FOXN3: variants seen among roughly 807,000 people sequenced by gnomAD.
FOXN3 encodes forkhead box protein N3.
FOXN3 carries 7 observed loss-of-function variants against 38.4 expected under a neutral mutation model. That is an observed-to-expected ratio of 0.18 (90% CI 0.10 to 0.34). FOXN3 has a LOEUF of 0.34. FOXN3 is among the 10% of genes least tolerant of loss of function. The pLI, the probability that FOXN3 is intolerant of heterozygous loss-of-function variation, is 1.00. For synonymous variants in FOXN3, 230 were observed against 242.2 expected (o/e 0.95, Z 0.47); for missense variants, 456 against 613.4 (o/e 0.74, Z 2.71).
At position 89,350,649 on chromosome 14, in the gene FOXN3, AAAAAG is replaced by A; in HGVS notation, c.680+18_680+22del. On this transcript the variant is annotated intron_variant, in intron 3 of 5. Transcript: ENST00000557258. ...AATAATGCCATTTCAGTAGACCAAA[AAAAAG>A]AAGTCTGAATTGCTTACCTTTGATA... The A allele has an allele frequency of 6.7e-7, 1 of 1,492,162 alleles. No individual in the cohort carries two copies. Among genetic ancestry groups the A allele is most frequent in the Non-Finnish European group, 8.9e-7 (1 of 1,122,730 alleles). 92.4% of individuals were successfully genotyped at this position (1,492,162 alleles called of 1,614,324 possible).
At chr14:89,414,623 C>T (rs956312076) in intron 1 of FOXN3, among the ~76,000 whole-genome samples, 2 of 150,348 alleles carry the variant, frequency 1.3e-5, no homozygotes, top group Admixed American at 6.6e-5. Context: ...GTGCAAAATC[C>T]GCTCACTGCA....
upstream of FOXN3, among the ~76,000 whole-genome samples, chr14:89,418,136 T>C (rs2140103979): frequency 6.6e-6 from 1 of 152,258 alleles, no homozygotes; most frequent in African/African-American, 2.4e-5. Context: ...CAGGACACCC[T>C]GGTGGTGACA....
intron 2 of FOXN3, among the ~76,000 whole-genome samples, chr14:89,398,970 G>A (rs1891173393): frequency 1.3e-5 from 2 of 152,236 alleles, no homozygotes; most frequent in South Asian, 4.1e-4. Flanking sequence ...GGCAACAAGA[G>A]TAAAACTTCA....
In FOXN3 at chr14:89,360,727, C is replaced by G. The variant is rs1259430317; in HGVS notation, c.544-9919G>C. On this transcript the variant is annotated intron_variant, in intron 2 of 5. Coordinates refer to ENST00000557258, the MANE Select transcript of FOXN3 (RefSeq NM_005197.4). Reference sequence around the variant, plus strand: ...ACCACCTCCAGCACTACCTCCACCACCACCACCTCCAGCACCACCTCCACC... The same window carrying G: ...ACCACCTCCAGCACTACCTCCACCAGCACCACCTCCAGCACCACCTCCACC... Among the ~76,000 whole-genome samples, 9 of 136,768 alleles carry G rather than the reference C, an allele frequency of 6.6e-5. 2 individuals are homozygous for G. The highest frequency in any genetic ancestry group is 2.1e-4 in the African/African-American group (7 of 33,694). 89.7% of individuals were successfully genotyped at this position (136,768 alleles called of 152,430 possible).
intron 1 of FOXN3, among the ~76,000 whole-genome samples, chr14:89,540,898 G>A (rs1440297685): frequency 6.6e-6 from 1 of 152,126 alleles, no homozygotes; most frequent in Non-Finnish European, 1.5e-5. Context: ...CTTTTGTTGT[G>A]CAGAGATTTG....
At chr14:89,559,454 G>A (rs1895201774) in intron 1 of FOXN3, among the ~76,000 whole-genome samples, 1 of 152,114 alleles carries the variant, frequency 6.6e-6, no homozygotes, top group African/African-American at 2.4e-5. Context: ...GAGGAGGGCA[G>A]ATCACCAGGT....
At chr14:89,459,458 G>A (rs948281209) in intron 1 of FOXN3, among the ~76,000 whole-genome samples, 9 of 152,146 alleles carry the variant, frequency 5.9e-5, no homozygotes, top group Non-Finnish European at 1.2e-4. Flanking sequence ...GTACCATAGT[G>A]GTTACTTTAC....
At chr14:89,428,820 G>A (rs1892099135) in intron 1 of FOXN3, among the ~76,000 whole-genome samples, 2 of 152,218 alleles carry the variant, frequency 1.3e-5, no homozygotes, top group Non-Finnish European at 2.9e-5. Context: ...GCCTGCAGAG[G>A]CTACCTGAGG....
chr14:89,611,585 T>C (rs242762), intron 1 of FOXN3, among the ~76,000 whole-genome samples: 57,724 of 151,950 alleles, frequency 0.38, 12,897 homozygotes, highest in East Asian at 0.55. Flanking sequence ...GGCGGGCGGA[T>C]CACAAGGTCA....
At chr14:89,506,487 G>A (rs1195622631) in intron 1 of FOXN3, among the ~76,000 whole-genome samples, 7 of 146,902 alleles carry the variant, frequency 4.8e-5, no homozygotes, top group East Asian at 2.1e-4. Flanking sequence ...CAGCCGCCCC[G>A]TCCGGGAGGG....
At chr14:89,601,813 G>A (rs1463142181) in intron 1 of FOXN3, among the ~76,000 whole-genome samples, 2 of 151,796 alleles carry the variant, frequency 1.3e-5, no homozygotes. Context: ...ATCCTCTCTG[G>A]GGCAGGGTCT....
chr14:89,562,849 C>G (rs942741633), intron 1 of FOXN3, among the ~76,000 whole-genome samples: 1 of 152,172 alleles, frequency 6.6e-6, no homozygotes, highest in Non-Finnish European at 1.5e-5. Context: ...AGCAATTCAC[C>G]TATCAAACTA....
At chr14:89,316,472 C>G (rs979927651) in intron 3 of FOXN3, among the ~76,000 whole-genome samples, 6 of 151,846 alleles carry the variant, frequency 4.0e-5, no homozygotes, top group African/African-American at 1.5e-4. Flanking sequence ...CCTCCTACCT[C>G]AGTCTCCTGA....
chr14:89,206,623 C>T lies in FOXN3; in HGVS notation c.746-25817G>A, dbSNP rs184541916. ...GCTGGTGGATCAGGTTACTTCATGACGGCAACTGGGTTCGTTCCGTACCAT... is the reference window on the plus strand; with the variant it reads ...GCTGGTGGATCAGGTTACTTCATGATGGCAACTGGGTTCGTTCCGTACCAT... On this transcript the variant is annotated intron_variant, in intron 4 of 5. Transcript: ENST00000557258. Among the ~76,000 whole-genome samples, 41 of 152,258 alleles carry T rather than the reference C, an allele frequency of 2.7e-4. 1 individual carries two copies. In the East Asian group the frequency reaches 6.2e-3, roughly 23 times the overall value.
intron 4 of FOXN3, among the ~76,000 whole-genome samples, chr14:89,204,000 C>A (rs1367537605): frequency 1.3e-5 from 2 of 150,296 alleles, no homozygotes; most frequent in African/African-American, 2.4e-5. Context: ...ATATTTGGGC[C>A]ATCTTATCCC....
At chr14:89,255,428 T>G (rs544240660) in intron 4 of FOXN3, among the ~76,000 whole-genome samples, 2 of 152,052 alleles carry the variant, frequency 1.3e-5, no homozygotes, top group Non-Finnish European at 2.9e-5. Context: ...TCAACAAGCA[T>G]TGGTTCTCTC....
At chr14:89,531,851 C>A (rs1344430329) in intron 1 of FOXN3, among the ~76,000 whole-genome samples, 3 of 152,178 alleles carry the variant, frequency 2.0e-5, no homozygotes, top group Admixed American at 6.5e-5. Flanking sequence ...ACCCTGGCAC[C>A]CAGGCTGGAG....
chr14:89,553,238 CAAAAAAAAAAAA>C (rs146581490), intron 1 of FOXN3, among the ~76,000 whole-genome samples: 2,637 of 79,180 alleles, frequency 0.033, 105 homozygotes, highest in African/African-American at 0.11. Context: ...GACCCTGTCC[CAAAAAAAAAAAA>C]AAAAAAAAAA....
rs543727220 is a variant in FOXN3 at position 89,216,321 on chromosome 14, T to C, written c.746-35515A>G. On this transcript the variant is annotated intron_variant, in intron 4 of 5. Coordinates refer to ENST00000557258, the MANE Select transcript of FOXN3 (RefSeq NM_005197.4). ...AAACAGATAAACACAAAAACCCAAATGTTTACCCAAGGCAGAATCAGCTGT... is the reference window on the plus strand; with the variant it reads ...AAACAGATAAACACAAAAACCCAAACGTTTACCCAAGGCAGAATCAGCTGT... Among the ~76,000 whole-genome samples the C allele has an allele frequency of 9.9e-5, 15 of 152,068 alleles. No individual in the cohort carries two copies. The East Asian group carries it at 2.9e-3, about 29-fold the overall frequency.
Sources: allele counts gnomAD v4.1 joint callset (sites outside exome capture counted in the v4.1 genomes callset), GRCh38; gene constraint gnomAD v4.1.1; transcripts MANE v1.5; gene names NCBI Gene and HGNC (gene_info 2026-07-23, HGNC 2026-07-21).